CENPP: variants seen among roughly 807,000 people sequenced by gnomAD.
CENPP encodes the protein centromere protein P.
A neutral mutation model predicts 35.6 loss-of-function variants in CENPP; 24 were observed. That is an observed-to-expected ratio of 0.67 (90% confidence interval 0.49 to 0.95). The LOEUF (loss-of-function observed/expected upper bound fraction) is 0.95. Among genes scored for constraint, CENPP ranks in the 40% least tolerant of loss-of-function variants. CENPP has a pLI of 0.00. For synonymous variants in CENPP, 120 were observed against 125.5 expected (o/e 0.96, Z 0.29); for missense variants, 332 against 345.3 (o/e 0.96, Z 0.31).
At chr9:92,567,770 A>G (rs987479940) in intron 5 of CENPP, among the ~76,000 whole-genome samples, 1 of 152,170 alleles carries the variant, frequency 6.6e-6, no homozygotes, top group Admixed American at 6.5e-5. Flanking sequence ...AAAGTGGTAT[A>G]AATTCCATTT....
At chr9:92,455,733 A>T (rs1844854682) in intron 5 of CENPP, among the ~76,000 whole-genome samples, 1 of 152,204 alleles carries the variant, frequency 6.6e-6, no homozygotes, top group Non-Finnish European at 1.5e-5. Flanking sequence ...TACATGGTGT[A>T]TTGTTATTAT....
At chr9:92,347,437 G>C (rs1236231076) in intron 4 of CENPP, among the ~76,000 whole-genome samples, 1 of 152,214 alleles carries the variant, frequency 6.6e-6, no homozygotes. Context: ...TGTGGAGAGT[G>C]ACTGGTATTT....
At chr9:92,562,349 C>T (rs879372597) in intron 5 of CENPP, among the ~76,000 whole-genome samples, 6 of 151,752 alleles carry the variant, frequency 4.0e-5, no homozygotes, top group East Asian at 3.9e-4. Flanking sequence ...AGATTATAGG[C>T]GCCCACCACC....
intron 2 of CENPP, among the ~76,000 whole-genome samples, chr9:92,334,393 AC>A (rs1840855072): frequency 6.6e-6 from 1 of 152,148 alleles, no homozygotes; most frequent in Non-Finnish European, 1.5e-5. Flanking sequence ...TGCTGGGATT[AC>A]AGGTGTGAGC....
rs866000822 is a variant in CENPP, at chr9:92,424,790, T to C, written c.564+44931T>C. ...CCCGGGTTCAAGCAATTCTCCTGTCTCAGCCTCCCAAGTAGCTGGGATTAC... is the reference window on the plus strand; with the variant it reads ...CCCGGGTTCAAGCAATTCTCCTGTCCCAGCCTCCCAAGTAGCTGGGATTAC... On this transcript the variant is annotated intron_variant, in intron 5 of 7. Transcript: ENST00000375587. Among the ~76,000 whole-genome samples, 9 of 152,300 alleles carry C rather than the reference T, an allele frequency of 5.9e-5. No homozygotes were observed. The East Asian group carries it at 1.7e-3, about 29-fold the overall frequency.
intron 5 of CENPP, among the ~76,000 whole-genome samples, chr9:92,533,435 T>A (rs890783770): frequency 6.7e-6 from 1 of 149,130 alleles, no homozygotes; most frequent in Non-Finnish European, 1.5e-5. Context: ...TTTGTTTCTC[T>A]CTGTCCTCCT....
At chr9:92,381,458 A>G (rs905114593) in intron 5 of CENPP, among the ~76,000 whole-genome samples, 1 of 151,616 alleles carries the variant, frequency 6.6e-6, no homozygotes, top group African/African-American at 2.4e-5. Context: ...TAATTTATGT[A>G]TTTTTCGTAG....
chr9:92,334,121 GTT>G (rs11423555), intron 2 of CENPP, among the ~76,000 whole-genome samples: 7 of 133,946 alleles, frequency 5.2e-5, no homozygotes, highest in Admixed American at 7.5e-5. Context: ...TGAGAGTAGG[GTT>G]TTTTTTTTTT....
chr9:92,396,623 G>T (rs766681208), intron 5 of CENPP, among the ~76,000 whole-genome samples: 3 of 150,508 alleles, frequency 2.0e-5, no homozygotes, highest in African/African-American at 7.3e-5. Context: ...GGGTACAGTC[G>T]CATGATCATG....
chr9:92,539,764 T>C (rs962193151), intron 5 of CENPP, among the ~76,000 whole-genome samples: 1 of 152,194 alleles, frequency 6.6e-6, no homozygotes, highest in Non-Finnish European at 1.5e-5. Context: ...TCATTTACTT[T>C]AGCTGAACTT....
chr9:92,453,023 A>T (rs1440052237), intron 5 of CENPP, among the ~76,000 whole-genome samples: 1 of 151,836 alleles, frequency 6.6e-6, no homozygotes, highest in Non-Finnish European at 1.5e-5. Flanking sequence ...GGGGTCTATC[A>T]ATTTTGTTGA....
chr9:92,578,168 A>G (rs1282307549), intron 5 of CENPP, among the ~76,000 whole-genome samples: 1 of 152,008 alleles, frequency 6.6e-6, no homozygotes, highest in African/African-American at 2.4e-5. Flanking sequence ...CATGGTGTAT[A>G]TGTGCCACAT....
At chr9:92,578,359 C>T (rs933568366) in intron 5 of CENPP, among the ~76,000 whole-genome samples, 8 of 152,074 alleles carry the variant, frequency 5.3e-5, no homozygotes, top group African/African-American at 1.9e-4. Flanking sequence ...GTTCTAGATC[C>T]CTGAGGAATT....
At chr9:92,358,065 T>C (rs564500237) in intron 4 of CENPP, among the ~76,000 whole-genome samples, 3 of 152,262 alleles carry the variant, frequency 2.0e-5, no homozygotes, top group East Asian at 3.9e-4. Context: ...TTAGTTCATC[T>C]TGGAGTTCTT....
chr9:92,563,389 T>G (rs1849892347), intron 5 of CENPP, among the ~76,000 whole-genome samples: 1 of 152,244 alleles, frequency 6.6e-6, no homozygotes, highest in African/African-American at 2.4e-5. Context: ...TTTGAGGATT[T>G]ACACATATGT....
intron 5 of CENPP, chr9:92,416,728 A>G: frequency 1.2e-6 from 2 of 1,613,660 alleles, no homozygotes; most frequent in Non-Finnish European, 1.7e-6. Context: ...TGGGAAGATT[A>G]AAAATATTAT....
In CENPP at chr9:92,516,064, CTTTTT is replaced by C. The variant is rs869200958; in HGVS notation, c.565-95246_565-95242del. ...GGAAGAACTGATTTCACAGTGCATA[CTTTTT>C]TTTCCCCCCCCCGAGACGGAGTCTT... On this transcript the variant is annotated intron_variant, in intron 5 of 7. Coordinates refer to ENST00000375587, the MANE Select transcript of CENPP (RefSeq NM_001012267.3). Among the ~76,000 whole-genome samples, 102 of 148,440 alleles carry C rather than the reference CTTTTT, an allele frequency of 6.9e-4. 2 individuals are homozygous for C. The Middle Eastern group carries it at 0.011, about 16-fold the overall frequency.
chr9:92,380,700 C>T (rs939034381), intron 5 of CENPP, among the ~76,000 whole-genome samples: 5 of 152,042 alleles, frequency 3.3e-5, no homozygotes, highest in African/African-American at 9.7e-5. Context: ...TTGTTATATT[C>T]GATCATAGGT....
upstream of CENPP, chr9:92,325,844 G>C (rs901547882): frequency 1.6e-4 from 96 of 586,736 alleles, no homozygotes; most frequent in Middle Eastern, 4.4e-4. Context: ...GGACGTGCAG[G>C]GCCGCTGGGG....
Sources: gnomAD v4.1 joint callset for allele counts (sites outside exome capture counted in the v4.1 genomes callset) on GRCh38, gnomAD v4.1.1 for gene constraint, MANE v1.5 for transcripts, NCBI Gene and HGNC (gene_info 2026-07-23, HGNC 2026-07-21) for gene names.